Variants in NRG1 observed in about 807,000 individuals in gnomAD.
NRG1 encodes the protein pro-neuregulin-1, membrane-bound isoform.
A neutral mutation model predicts 63.8 loss-of-function variants in NRG1; 18 were observed. That is an observed-to-expected ratio of 0.28 (90% CI 0.19 to 0.42). The LOEUF is 0.42. Among genes scored for constraint, NRG1 ranks in the 10% least tolerant of loss-of-function variants. The pLI is 1.00. For missense variants in NRG1, 762 were observed against 814.7 expected, an observed-to-expected ratio of 0.94 and a Z score of 0.79; for synonymous variants, 302 against 301.3, an observed-to-expected ratio of 1.00 and a Z score of -0.02.
chr8:31,887,339 G>A (rs1417647477), intron 1 of NRG1, among the ~76,000 whole-genome samples: 3 of 152,124 alleles, frequency 2.0e-5, no homozygotes, highest in South Asian at 2.1e-4. Flanking sequence ...TATTGTTAAA[G>A]AGAGAGAAAA....
At chr8:32,320,188 A>G (rs1801222034) in intron 1 of NRG1, among the ~76,000 whole-genome samples, 1 of 152,210 alleles carries the variant, frequency 6.6e-6, no homozygotes, top group South Asian at 2.1e-4. Context: ...ATATATGCCA[A>G]TGAACCTAGC....
chr8:32,221,280 T>C (rs1199262330), intron 1 of NRG1: 1 of 152,206 alleles, frequency 6.6e-6, no homozygotes, highest in African/African-American at 2.4e-5. Context: ...ATGCATTTTG[T>C]CATCCAAGGC....
At chr8:32,148,161 G>A (rs182819686) in intron 1 of NRG1, among the ~76,000 whole-genome samples, 1 of 152,090 alleles carries the variant, frequency 6.6e-6, no homozygotes, top group Non-Finnish European at 1.5e-5. Flanking sequence ...CTCACAATAA[G>A]CCTATGATAC....
chr8:31,753,738 G>T (rs771041904), intron 1 of NRG1, among the ~76,000 whole-genome samples: 3 of 151,796 alleles, frequency 2.0e-5, no homozygotes, highest in Non-Finnish European at 2.9e-5. Flanking sequence ...CATATATCAG[G>T]GTTTTTTTAA....
At chr8:32,645,556 G>C (rs918051495) in intron 5 of NRG1, among the ~76,000 whole-genome samples, 1 of 152,180 alleles carries the variant, frequency 6.6e-6, no homozygotes, top group Non-Finnish European at 1.5e-5. Flanking sequence ...GTTTAAAGCT[G>C]AAACATACCT....
intron 1 of NRG1, among the ~76,000 whole-genome samples, chr8:31,842,976 G>A (rs1218761071): frequency 6.6e-6 from 1 of 152,114 alleles, no homozygotes; most frequent in Non-Finnish European, 1.5e-5. Flanking sequence ...ATAGAAAATT[G>A]TCTGTGTCTT....
intron 1 of NRG1, among the ~76,000 whole-genome samples, chr8:31,928,531 A>T (rs997228090): frequency 6.6e-6 from 1 of 152,026 alleles, no homozygotes; most frequent in African/African-American, 2.4e-5. Context: ...TGCTTTATCA[A>T]AAAGACACCT....
At chr8:32,189,500 T>C (rs1414477839) in intron 1 of NRG1, among the ~76,000 whole-genome samples, 1 of 152,160 alleles carries the variant, frequency 6.6e-6, no homozygotes, top group Admixed American at 6.5e-5. Flanking sequence ...TGATTAGTAA[T>C]GTGCAATTGG....
intron 1 of NRG1, among the ~76,000 whole-genome samples, chr8:32,070,726 A>T (rs1825635854): frequency 6.6e-6 from 1 of 152,374 alleles, no homozygotes. Context: ...CCATGTGCTT[A>T]CAACACATTC....
At position 32,231,190 on chromosome 8, in the gene NRG1, A is replaced by C. The variant is rs1439407389; in HGVS notation, c.38-364638A>C. ...TCTTGCCTAGGAAATTGGTTAAAAA[A>C]AGGGTATTTTTAATTAAAAAAGGAG... On this transcript the variant is annotated intron_variant, in intron 1 of 10. Coordinates refer to the NRG1 transcript ENST00000519301. Among the ~76,000 whole-genome samples, 3 of 152,152 alleles carry C rather than the reference A, an allele frequency of 2.0e-5. No homozygotes were observed. The East Asian group carries it at 5.8e-4, about 29-fold the overall frequency.
chr8:31,739,242 A>G (rs929941216), intron 1 of NRG1, among the ~76,000 whole-genome samples: 1 of 152,032 alleles, frequency 6.6e-6, no homozygotes, highest in Non-Finnish European at 1.5e-5. Context: ...GCGGCAAACC[A>G]ATTATGTGAC....
At chr8:31,918,484 G>C (rs1238514655) in intron 1 of NRG1, among the ~76,000 whole-genome samples, 2 of 152,198 alleles carry the variant, frequency 1.3e-5, no homozygotes, top group Non-Finnish European at 2.9e-5. Context: ...CTTTGGCTCT[G>C]TTTATATGCT....
At chr8:31,749,298 A>T (rs1030781974) in intron 1 of NRG1, among the ~76,000 whole-genome samples, 1 of 151,934 alleles carries the variant, frequency 6.6e-6, no homozygotes. Flanking sequence ...TTTACAATCT[A>T]GAAAAAATAA....
At chr8:32,143,500 T>C (rs1836525384) in intron 1 of NRG1, among the ~76,000 whole-genome samples, 1 of 152,200 alleles carries the variant, frequency 6.6e-6, no homozygotes, top group African/African-American at 2.4e-5. Context: ...CCAATGTTTC[T>C]ACCAAGCTGA....
intron 1 of NRG1, among the ~76,000 whole-genome samples, chr8:32,028,742 C>A (rs750266244): frequency 3.9e-5 from 6 of 151,944 alleles, no homozygotes; most frequent in Non-Finnish European, 7.4e-5. Flanking sequence ...TCAAAAACTG[C>A]AAGAAGAATA....
At chr8:32,437,771 A>G (rs59861679) in intron 1 of NRG1, among the ~76,000 whole-genome samples, 29,943 of 152,074 alleles carry the variant, frequency 0.2, 3,414 homozygotes, top group South Asian at 0.31. Context: ...CTATGTTTTC[A>G]GTAGGACATA....
At chr8:31,736,089 A>G (rs1286134500) in intron 1 of NRG1, among the ~76,000 whole-genome samples, 2 of 152,106 alleles carry the variant, frequency 1.3e-5, no homozygotes, top group Non-Finnish European at 2.9e-5. Context: ...TAAATTCCCA[A>G]GGTCCTTACC....
chr8:32,440,592 G>T (rs1473312108), intron 1 of NRG1, among the ~76,000 whole-genome samples: 1 of 152,088 alleles, frequency 6.6e-6, no homozygotes, highest in East Asian at 1.9e-4. Context: ...ATTTGTGAAC[G>T]TGTAAGTCAA....
chr8:31,695,058 G>A (rs115759462), intron 1 of NRG1, among the ~76,000 whole-genome samples: 2,148 of 152,280 alleles, frequency 0.014, 58 homozygotes, highest in African/African-American at 0.048. Context: ...AGCATGGTTG[G>A]GGAGCCCTCA....
Sources: gnomAD v4.1 joint callset for allele counts (sites outside exome capture counted in the v4.1 genomes callset) on GRCh38, gnomAD v4.1.1 for gene constraint, MANE v1.5 for transcripts, NCBI Gene and HGNC (gene_info 2026-07-23, HGNC 2026-07-21) for gene names.